The following OSCP1 variants were observed in gnomAD, a reference collection of about 807,000 sequenced individuals.
OSCP1 encodes the protein organic solute carrier partner 1.
Under a neutral mutation model 45.1 loss-of-function variants are expected in OSCP1, and 35 were observed. That is an observed-to-expected ratio of 0.78 (90% confidence interval 0.59 to 1.03). OSCP1 has a LOEUF of 1.03. Ranked by LOEUF, OSCP1 falls within the 50% of genes least tolerant of loss-of-function variation. The probability of loss-of-function intolerance (pLI) is 0.00; values close to 1 mark genes in which losing one functional copy is unlikely to be tolerated. For missense variants in OSCP1, 400 were observed against 470.7 expected (o/e 0.85, Z 1.39); for synonymous variants, 179 against 180.1 (o/e 0.99, Z 0.05).
At chr1:36,441,619 G>A (rs748048724) in intron 1 of OSCP1, among the ~76,000 whole-genome samples, 1 of 151,734 alleles carries the variant, frequency 6.6e-6, no homozygotes, top group East Asian at 1.9e-4. Flanking sequence ...GGGCGTGATG[G>A]CGGGCGCCTG....
intron 4 of OSCP1, among the ~76,000 whole-genome samples, chr1:36,430,013 G>T (rs536438476): frequency 1.9e-4 from 29 of 152,190 alleles, no homozygotes; most frequent in African/African-American, 6.7e-4. Flanking sequence ...TGGCCAGGCT[G>T]GTCTCAAACT....
At chr1:36,433,727 A>C (rs775556078) in intron 2 of OSCP1, among the ~76,000 whole-genome samples, 10 of 152,196 alleles carry the variant, frequency 6.6e-5, no homozygotes, top group Non-Finnish European at 1.3e-4. Context: ...AGTAGAAGTT[A>C]GGGGGTTAAA....
At chr1:36,426,277 C>T (rs890391168) in intron 4 of OSCP1, among the ~76,000 whole-genome samples, 1 of 152,182 alleles carries the variant, frequency 6.6e-6, no homozygotes, top group African/African-American at 2.4e-5. Flanking sequence ...CTGTGTTTGG[C>T]CTGAGACTCT....
In OSCP1 at chr1:36,447,914, T is replaced by C. The variant is rs573379769; in HGVS notation, c.112+2344A>G. On this transcript the variant is annotated intron_variant, in intron 1 of 9. Coordinates refer to ENST00000235532, the MANE Select transcript of OSCP1 (RefSeq NM_145047.5). The surrounding 1 kb of genome is among the most constrained non-coding windows in gnomAD (Gnocchi z 4.1). ...TGTGGAATGAATGAGTGTGCGAATG[T>C]AAATTACTAAAGATGGCCGAAACTC... 1.1e-5 allele frequency: 5 copies of C among 452,894 alleles called. No individual in the cohort carries two copies. Among genetic ancestry groups the C allele is most frequent in the Admixed American group, 9.4e-5 (4 of 42,384 alleles). 28.1% of individuals were successfully genotyped at this position (452,894 alleles called of 1,614,324 possible). A position where few individuals can be genotyped will look rare whatever the true frequency, so the allele number is the denominator to read the frequency against.
chr1:36,422,508 C>T (rs1159874660), intron 6 of OSCP1, among the ~76,000 whole-genome samples: 1 of 152,216 alleles, frequency 6.6e-6, no homozygotes, highest in Non-Finnish European at 1.5e-5. Flanking sequence ...TGGATTTCCA[C>T]TGCAACACAG....
chr1:36,424,960 G>T (rs1647875286), intron 4 of OSCP1, among the ~76,000 whole-genome samples: 1 of 151,912 alleles, frequency 6.6e-6, no homozygotes, highest in Non-Finnish European at 1.5e-5. Context: ...ATCACCTGAG[G>T]TCAGGAGTTC....
chr1:36,444,932 AG>A (rs1477077422), intron 1 of OSCP1, among the ~76,000 whole-genome samples: 1 of 152,204 alleles, frequency 6.6e-6, no homozygotes, highest in Non-Finnish European at 1.5e-5. Flanking sequence ...TCCTCTACTG[AG>A]GGACATTAGA....
In OSCP1 at chr1:36,450,433, CA is replaced by C. The variant is rs950370725; in HGVS notation, c.-65del. On this transcript the variant is annotated 5_prime_UTR_variant, in exon 1 of 10. Coordinates refer to ENST00000235532, the MANE Select transcript of OSCP1 (RefSeq NM_145047.5). ...GTTCGGTAGCCAGTGGCCTGAAGGC[CA>C]GGCCGCAGCGTCCCAATAGTCCGGT... The C allele has an allele frequency of 7.4e-7, 1 of 1,345,858 alleles. No homozygotes were observed. Among genetic ancestry groups the C allele is most frequent in the Non-Finnish European group, 1.1e-6 (1 of 943,614 alleles). The allele number at this position is 1,345,858 out of a possible 1,614,324, so 83.4% of individuals were successfully genotyped here. A position where few individuals can be genotyped will look rare whatever the true frequency, so the allele number is the denominator to read the frequency against.
rs1286422761 is a variant in OSCP1, at chr1:36,420,544, C to T, written c.891G>A (p.Glu297=). 2 of 1,614,018 alleles carry T rather than the reference C, an allele frequency of 1.2e-6. No homozygotes were observed. Among genetic ancestry groups the T allele is most frequent in the Non-Finnish European group, 1.7e-6 (2 of 1,180,040 alleles). Residue 297 remains glutamate (E), a synonymous_variant, in exon 8 of 10, where the codon GAG becomes GAA. Coordinates refer to ENST00000235532, the MANE Select transcript of OSCP1 (RefSeq NM_145047.5). ...GCTCAGGGCCACTGGGTTTCTTAATCTCCATCCCTCCCATCAGCCTGGCCA... is the reference window on the plus strand; with the variant it reads ...GCTCAGGGCCACTGGGTTTCTTAATTTCCATCCCTCCCATCAGCCTGGCCA... ...NFLARLMGGM[E]IKKPSGPEPG...
intron 1 of OSCP1, among the ~76,000 whole-genome samples, chr1:36,441,620 C>T (rs1442332004): frequency 6.6e-6 from 1 of 151,546 alleles, no homozygotes; most frequent in Non-Finnish European, 1.5e-5. Context: ...GGCGTGATGG[C>T]GGGCGCCTGC....
chr1:36,436,548 A>AT (rs1648761349), intron 2 of OSCP1, among the ~76,000 whole-genome samples: 1 of 151,944 alleles, frequency 6.6e-6, no homozygotes, highest in South Asian at 2.1e-4. Flanking sequence ...GTCTTTTAAA[A>AT]TTTTTTTGTA....
In OSCP1 at chr1:36,423,394, G is replaced by C; in HGVS notation, c.589C>G (p.Pro197Ala). The change falls in exon 5 of 10, where the codon CCT becomes GCT. Residue 197 changes from proline to alanine, a missense_variant. Physicochemically the swap from Pro to Ala is conservative, Grantham distance 27. Transcript: ENST00000235532. ...RFVLPVSGPV[P>A]WGTEVPGLIR... is the part of the protein sequence containing the mutation. Reference sequence around the variant, plus strand: ...AGTCCTGGAACTTCAGTTCCCCAAGGAACAGGCCCGGACACCGGCAACACA... The same window carrying C: ...AGTCCTGGAACTTCAGTTCCCCAAGCAACAGGCCCGGACACCGGCAACACA... 6.2e-7 allele frequency: 1 copy of C among 1,612,810 alleles called. No individual in the cohort carries two copies. The highest frequency in any genetic ancestry group is 1.1e-5 in the South Asian group (1 of 91,066).
intron 1 of OSCP1, 134 bp from the exon 2 acceptor site, chr1:36,439,044 C>T: frequency 1.1e-6 from 1 of 936,666 alleles, no homozygotes; most frequent in Non-Finnish European, 1.5e-6. Context: ...GTGAGATCAG[C>T]TCCCTGAGGG....
rs1181436625 is a variant in OSCP1 at position 36,450,172 on chromosome 1, C to G, written c.112+86G>C. The G allele has an allele frequency of 3.8e-6, 4 of 1,049,500 alleles. No homozygotes were observed. The East Asian group carries it at 9.5e-5, about 25-fold the overall frequency. 65.0% of individuals were successfully genotyped at this position (1,049,500 alleles called of 1,614,324 possible). A position where few individuals can be genotyped will look rare whatever the true frequency, so the allele number is the denominator to read the frequency against. The stretch of plus-strand genomic sequence containing the variant: ...TATAAGAGTGAAGTGTGTAGGGGTG[C>G]GGGTCTGGCTGTGGGTGTTAGGGCG... On this transcript the variant is annotated intron_variant, in intron 1 of 9. Coordinates refer to ENST00000235532, the MANE Select transcript of OSCP1 (RefSeq NM_145047.5).
intron 4 of OSCP1, among the ~76,000 whole-genome samples, chr1:36,425,182 A>G (rs1286446532): frequency 6.6e-6 from 1 of 151,756 alleles, no homozygotes; most frequent in Non-Finnish European, 1.5e-5. Flanking sequence ...CAAAAAAAAA[A>G]AAAAAAATGG....
intron 8 of OSCP1, 123 bp from the exon 9 acceptor site, chr1:36,419,177 T>G: frequency 1.2e-6 from 1 of 841,028 alleles, no homozygotes; most frequent in Admixed American, 1.9e-5. Flanking sequence ...TCTCTTAAAC[T>G]TTCTACCCCA....
At chr1:36,432,671 C>T in intron 2 of OSCP1, 82 bp from the exon 3 acceptor site, 1 of 1,560,006 alleles carries the variant, frequency 6.4e-7, no homozygotes, top group East Asian at 2.3e-5. Flanking sequence ...TTCAGTCAAG[C>T]ATTTACTGAA....
chr1:36,428,806 G>A (rs926166648), intron 4 of OSCP1, among the ~76,000 whole-genome samples: 1 of 152,110 alleles, frequency 6.6e-6, no homozygotes, highest in Non-Finnish European at 1.5e-5. Flanking sequence ...TTAGCCAGGC[G>A]TGTTGGCAGG....
intron 1 of OSCP1, among the ~76,000 whole-genome samples, chr1:36,449,339 G>C (rs16823020): frequency 0.1 from 15,634 of 152,100 alleles, 957 homozygotes; most frequent in East Asian, 0.29. Flanking sequence ...TCCATGGGAG[G>C]CAGATTTTGC....
Sources: gnomAD v4.1 joint callset for allele counts (sites outside exome capture counted in the v4.1 genomes callset) on GRCh38, gnomAD v4.1.1 for gene constraint, Gnocchi (gnomAD v3.1) non-coding constraint, MANE v1.5 for transcripts, NCBI Gene and HGNC (gene_info 2026-07-23, HGNC 2026-07-21) for gene names.